The following ASPSCR1 variants were observed in gnomAD, a reference collection of about 807,000 sequenced individuals.
ASPSCR1 encodes the protein tether containing UBX domain for GLUT4.
Under a neutral mutation model 68.9 loss-of-function variants are expected in ASPSCR1, and 55 were observed. The ratio of observed to expected loss-of-function variants is 0.80; its 90% CI spans 0.64 to 1.00. The LOEUF (loss-of-function observed/expected upper bound fraction) is 1.00. ASPSCR1 is among the 50% of genes least tolerant of loss of function. The pLI is 0.00. For missense variants in ASPSCR1, 765 were observed against 762.2 expected (o/e 1.00, Z -0.04); for synonymous variants, 352 against 332.6 (o/e 1.06, Z -0.63).
intron 12 of ASPSCR1, among the ~76,000 whole-genome samples, chr17:82,012,584 C>T (rs999865167): frequency 2.6e-5 from 4 of 152,110 alleles, no homozygotes; most frequent in Admixed American, 6.5e-5. Flanking sequence ...GGGGCCAAGG[C>T]GGCAGCAGTC....
At chr17:82,009,280 A>G in intron 8 of ASPSCR1, 89 bp downstream of exon 8, 1 of 1,471,346 alleles carries the variant, frequency 6.8e-7, no homozygotes, top group East Asian at 2.5e-5. Flanking sequence ...CAGTGCCAGC[A>G]CTGGCTCCCG....
intron 5 of ASPSCR1, chr17:81,995,221 A>G: frequency 2.3e-6 from 1 of 434,302 alleles, no homozygotes; most frequent in Non-Finnish European, 4.1e-6. Flanking sequence ...GGACCCTCCT[A>G]GCGCTCGTCC....
rs906585769 is a variant in ASPSCR1, at chr17:81,986,434, A to C, written c.374+827A>C. Among the ~76,000 whole-genome samples the C allele has an allele frequency of 1.3e-5, 2 of 152,206 alleles. No individual in the cohort carries two copies. The highest frequency in any genetic ancestry group is 2.9e-5 in the Non-Finnish European group (2 of 68,040). The stretch of plus-strand genomic sequence containing the variant: ...ACAGAACGAGACTCTGTCTCAAAAA[A>C]ATAAATAAATAAAAATAAGTAATTG... On this transcript the variant is annotated intron_variant, in intron 4 of 15. Transcript: ENST00000306739. The surrounding 1 kb of genome is among the most constrained non-coding windows in gnomAD (Gnocchi z 5.2).
At chr17:81,993,958 T>C (rs1010244836) in intron 4 of ASPSCR1, among the ~76,000 whole-genome samples, 12 of 152,138 alleles carry the variant, frequency 7.9e-5, no homozygotes, top group African/African-American at 2.4e-4. Context: ...GGAGAGGGAC[T>C]GATGAGGGGC....
chr17:81,989,332 G>A (rs1307432814), intron 4 of ASPSCR1, among the ~76,000 whole-genome samples: 7 of 152,206 alleles, frequency 4.6e-5, no homozygotes, highest in African/African-American at 9.7e-5. Flanking sequence ...CCAGCCCCAC[G>A]GTGAGGGTGG....
In ASPSCR1 at chr17:81,977,642, G is replaced by T. The variant is rs2041639314; in HGVS notation, c.-5G>T. 7.2e-7 allele frequency: 1 copy of T among 1,392,720 alleles called. No individual in the cohort carries two copies. Among genetic ancestry groups the T allele is most frequent in the Non-Finnish European group, 9.3e-7 (1 of 1,070,698 alleles). 86.3% of individuals were successfully genotyped at this position (1,392,720 alleles called of 1,614,324 possible). A position where few individuals can be genotyped will look rare whatever the true frequency, so the allele number is the denominator to read the frequency against. ...CGGCCCGGCGGCGGGTCACGTGAGC[G>T]GAAAATGGCGGCCCCGGCAGGCGGC... On this transcript the variant is annotated 5_prime_UTR_variant, in exon 1 of 16. Coordinates refer to ENST00000306739, the MANE Select transcript of ASPSCR1 (RefSeq NM_024083.4). The surrounding 1 kb of genome is among the most constrained non-coding windows in gnomAD (Gnocchi z 5.0).
chr17:81,984,493 C>T (rs759212347), intron 3 of ASPSCR1, among the ~76,000 whole-genome samples: 7 of 151,716 alleles, frequency 4.6e-5, no homozygotes, highest in East Asian at 1.9e-4. Flanking sequence ...AGGAGAATGG[C>T]GTGAACCCGG....
intron 3 of ASPSCR1, among the ~76,000 whole-genome samples, chr17:81,984,338 G>A (rs1046613396): frequency 2.6e-5 from 4 of 152,048 alleles, no homozygotes. Context: ...AGCACTTTAG[G>A]AGGCCGAGGC....
intron 1 of ASPSCR1, chr17:81,978,917 C>T (rs1336932013): frequency 2.2e-5 from 12 of 548,846 alleles, no homozygotes; most frequent in South Asian, 1.0e-4. Context: ...GGAAGATGCC[C>T]GTGTTGCTGT....
rs561431264 is a variant in ASPSCR1, at chr17:81,986,644, C to T, written c.374+1037C>T. 1.3e-4 allele frequency among the ~76,000 whole-genome samples: 20 copies of T among 152,284 alleles called. No individual in the cohort carries two copies. Among genetic ancestry groups the T allele is most frequent in the African/African-American group, 2.6e-4 (11 of 41,542 alleles). The stretch of plus-strand genomic sequence containing the variant: ...TGAGCCAGGGGGTTCTCGCCCTCCC[C>T]GGGCCTCAGTTTCCTCACCTGTGCC... On this transcript the variant is annotated intron_variant, in intron 4 of 15. Coordinates refer to ENST00000306739, the MANE Select transcript of ASPSCR1 (RefSeq NM_024083.4). The surrounding 1 kb of genome is among the most constrained non-coding windows in gnomAD (Gnocchi z 5.2).
intron 6 of ASPSCR1, 70 bp from the exon 7 acceptor site, chr17:81,996,350 C>T (rs754779975): frequency 2.0e-6 from 3 of 1,522,768 alleles, no homozygotes; most frequent in Non-Finnish European, 2.6e-6. Context: ...GAGGGTGAGC[C>T]TGGGCCGGGA....
At position 82,015,225 on chromosome 17, in the gene ASPSCR1, C is replaced by T. The variant is rs187708792; in HGVS notation, c.1354-1251C>T. On this transcript the variant is annotated intron_variant, in intron 12 of 15. Coordinates refer to ENST00000306739, the MANE Select transcript of ASPSCR1 (RefSeq NM_024083.4). ...TCTTTTTTGGGGTCCATCCAGAGGC[C>T]GAGCCTCTCCAAGCACTGGTCAGCC... 1,162 of 1,598,218 alleles carry T rather than the reference C, an allele frequency of 7.3e-4. 1 individual carries two copies. The highest frequency in any genetic ancestry group is 9.1e-4 in the Non-Finnish European group (1,072 of 1,179,770).
Position 81,996,703 on chromosome 17 carries a change from T to A in ASPSCR1, c.790T>A (p.Ser264Thr). The A allele has an allele frequency of 6.2e-7, 1 of 1,613,518 alleles. No individual in the cohort carries two copies. Among genetic ancestry groups the A allele is most frequent in the Non-Finnish European group, 8.5e-7 (1 of 1,179,946 alleles). ...TCCTGGGCCCACGAGGCCTCTGACA[T>A]CATCTTCAGCTAAGTTGCCGAAGTC... ...GPPGPTRPLT[S>T]SSAKLPKSLS... Residue 264 changes from serine to threonine, a missense_variant, in exon 7 of 16, where the codon TCA becomes ACA. Coordinates refer to ENST00000306739, the MANE Select transcript of ASPSCR1 (RefSeq NM_024083.4).
rs544405270 is a variant in ASPSCR1, at chr17:81,986,635, C to T, written c.374+1028C>T. Among the ~76,000 whole-genome samples, 90 of 151,584 alleles carry T rather than the reference C, an allele frequency of 5.9e-4. No individual in the cohort carries two copies. The highest frequency in any genetic ancestry group is 1.1e-3 in the Non-Finnish European group (72 of 67,938). ...GGTTTGCTGTGAGCCAGGGGGTTCT[C>T]GCCCTCCCCGGGCCTCAGTTTCCTC... On this transcript the variant is annotated intron_variant, in intron 4 of 15. Transcript: ENST00000306739. This position sits in a 1 kb window ranked among gnomAD's most constrained non-coding sequence, Gnocchi z 5.2.
At chr17:82,016,187 G>A in intron 12 of ASPSCR1, 1 of 465,066 alleles carries the variant, frequency 2.2e-6, no homozygotes, top group Non-Finnish European at 3.9e-6. Context: ...GGCCAGAGGA[G>A]GGAGGACGGT....
Position 81,977,644 on chromosome 17 carries a change from A to G in ASPSCR1, c.-3A>G. 1 of 1,392,564 alleles carries G rather than the reference A, an allele frequency of 7.2e-7. No individual in the cohort carries two copies. Among genetic ancestry groups the G allele is most frequent in the Non-Finnish European group, 9.3e-7 (1 of 1,070,684 alleles). 86.3% of individuals were successfully genotyped at this position (1,392,564 alleles called of 1,614,324 possible). ...GCCCGGCGGCGGGTCACGTGAGCGGAAAATGGCGGCCCCGGCAGGCGGCGG... is the reference window on the plus strand; with the variant it reads ...GCCCGGCGGCGGGTCACGTGAGCGGGAAATGGCGGCCCCGGCAGGCGGCGG... On this transcript the variant is annotated 5_prime_UTR_variant, in exon 1 of 16. Transcript: ENST00000306739. This position sits in a 1 kb window ranked among gnomAD's most constrained non-coding sequence, Gnocchi z 5.0.
chr17:82,003,817 C>T (rs955536175), intron 7 of ASPSCR1, among the ~76,000 whole-genome samples: 13 of 152,382 alleles, frequency 8.5e-5, no homozygotes, highest in East Asian at 1.9e-4. Flanking sequence ...CCTTTGATGG[C>T]GTCCACGTGC....
At chr17:82,010,578 G>A (rs982580815) in intron 9 of ASPSCR1, among the ~76,000 whole-genome samples, 3 of 151,664 alleles carry the variant, frequency 2.0e-5, no homozygotes, top group African/African-American at 7.3e-5. Flanking sequence ...CCAGGTCAGT[G>A]TGGTTTTAGA....
Position 82,016,971 on chromosome 17 carries a change from C to T in ASPSCR1, c.1506C>T (p.Ser502=). 2.5e-6 allele frequency: 4 copies of T among 1,612,060 alleles called. No homozygotes were observed. Among genetic ancestry groups the T allele is most frequent in the Non-Finnish European group, 1.7e-6 (2 of 1,179,446 alleles). The change falls in exon 15 of 16, where the codon TCC becomes TCT. Residue 502 remains serine (S), a synonymous_variant. Coordinates refer to ENST00000306739, the MANE Select transcript of ASPSCR1 (RefSeq NM_024083.4). ...TGTCCAGGGCCGCCGGGTCCCCTTCCCCATTGCCAGCCCCTGACCCTGCAC... is the reference window on the plus strand; with the variant it reads ...TGTCCAGGGCCGCCGGGTCCCCTTCTCCATTGCCAGCCCCTGACCCTGCAC... The part of the protein sequence containing the change: ...RYMSRAAGSP[S]PLPAPDPAPK...
Sources: allele counts gnomAD v4.1 joint callset (sites outside exome capture counted in the v4.1 genomes callset), GRCh38; gene constraint gnomAD v4.1.1; non-coding constraint Gnocchi (gnomAD v3.1); transcripts MANE v1.5; gene names NCBI Gene and HGNC (gene_info 2026-07-23, HGNC 2026-07-21).